The following SOCS7 variants were observed in gnomAD, a reference collection of about 807,000 sequenced individuals.
The protein encoded by SOCS7 is suppressor of cytokine signaling 7.
Under a neutral mutation model 58.9 loss-of-function variants are expected in SOCS7, and 18 were observed. That is an observed-to-expected ratio of 0.31 (90% CI 0.21 to 0.45). The LOEUF (loss-of-function observed/expected upper bound fraction) is 0.45, where lower values mean the gene tolerates loss of function less well. Ranked by LOEUF, SOCS7 falls within the 20% of genes least tolerant of loss-of-function variation. SOCS7 has a pLI of 1.00. For missense variants in SOCS7, 667 were observed against 837.3 expected, an observed-to-expected ratio of 0.80 and a Z score of 2.51; for synonymous variants, 388 against 364.3, an observed-to-expected ratio of 1.06 and a Z score of -0.74.
rs1486595247 is a variant in SOCS7, at chr17:38,405,004, C to T, written c.*5522C>T. ...GCCAATTTTTCACCAGAAAGGGAGC[C>T]ACCCCTTGCAACCACTTCTGTCTCC... On this transcript the variant is annotated 3_prime_UTR_variant, in exon 10 of 10. Coordinates refer to ENST00000612932, the MANE Select transcript of SOCS7 (RefSeq NM_014598.4). 1 of 152,044 alleles carries T rather than the reference C, an allele frequency of 6.6e-6. No individual in the cohort carries two copies. The highest frequency in any genetic ancestry group is 1.5e-5 in the Non-Finnish European group (1 of 68,026). 9.4% of individuals were successfully genotyped at this position (152,044 alleles called of 1,614,324 possible).
chr17:38,352,126 T>G lies in SOCS7; in HGVS notation c.74T>G (p.Leu25Arg). 2 of 913,892 alleles carry G rather than the reference T, an allele frequency of 2.2e-6. No homozygotes were observed. The highest frequency in any genetic ancestry group is 2.8e-6 in the Non-Finnish European group (2 of 720,994). The allele number at this position is 913,892 out of a possible 1,614,324, so 56.6% of individuals were successfully genotyped here. ...AASYRVLSRL[L>R]GYGEAAPEPG... ...TCGTACCGCGTCCTGAGCCGCCTCC[T>G]TGGCTATGGAGAGGCGGCCCCCGAG... is the stretch of plus-strand genomic sequence containing the variant. The change falls in exon 1 of 10, where the codon CTT becomes CGT. Residue 25 changes from leucine (L) to arginine (R), a missense_variant. By Grantham distance (102) the Leu-to-Arg change is moderately radical. Around this residue, in one of 9 missense-constraint regions of SOCS7, gnomAD observed 65 missense variants for 51.0 expected, o/e 1.27. Coordinates refer to ENST00000612932, the MANE Select transcript of SOCS7 (RefSeq NM_014598.4). This position sits in a 1 kb window ranked among gnomAD's most constrained non-coding sequence, Gnocchi z 5.5.
intron 7 of SOCS7, among the ~76,000 whole-genome samples, chr17:38,387,961 G>A (rs548137242): frequency 2.6e-5 from 4 of 151,516 alleles, no homozygotes; most frequent in South Asian, 4.2e-4. Context: ...TAGTAGAGAC[G>A]GGATTTCGCC....
intron 1 of SOCS7, among the ~76,000 whole-genome samples, chr17:38,356,719 A>G (rs1476341687): frequency 2.6e-5 from 4 of 152,186 alleles, no homozygotes; most frequent in Admixed American, 6.5e-5. Context: ...GGGCCCAGCA[A>G]CTAATCAGGT....
At chr17:38,391,145 A>G (rs2038168615) in intron 7 of SOCS7, among the ~76,000 whole-genome samples, 1 of 152,144 alleles carries the variant, frequency 6.6e-6, no homozygotes, top group Non-Finnish European at 1.5e-5. Flanking sequence ...TGCTTTTTGC[A>G]CATTCATGTT....
intron 7 of SOCS7, among the ~76,000 whole-genome samples, chr17:38,389,716 A>G (rs1002857241): frequency 7.7e-6 from 1 of 129,552 alleles, no homozygotes; most frequent in Non-Finnish European, 1.7e-5. Flanking sequence ...TGCTTGTTAT[A>G]TTTAGAAAAG....
chr17:38,396,822 C>T (rs2144407391), intron 9 of SOCS7, among the ~76,000 whole-genome samples: 1 of 152,292 alleles, frequency 6.6e-6, no homozygotes, highest in South Asian at 2.1e-4. Context: ...CTGCTTTCTT[C>T]TGGTGTGGAT....
At chr17:38,391,176 A>G (rs900058974) in intron 7 of SOCS7, among the ~76,000 whole-genome samples, 11 of 152,084 alleles carry the variant, frequency 7.2e-5, no homozygotes, top group Non-Finnish European at 1.3e-4. Context: ...AACTTGCATA[A>G]CTCATTTATT....
Position 38,404,239 on chromosome 17 carries a change from G to C in SOCS7, c.*4757G>C, listed in dbSNP as rs2038360569. 6.6e-6 allele frequency: 1 copy of C among 152,204 alleles called. No homozygotes were observed. The highest frequency in any genetic ancestry group is 1.5e-5 in the Non-Finnish European group (1 of 68,034). 9.4% of individuals were successfully genotyped at this position (152,204 alleles called of 1,614,324 possible). ...AGTTAGGAAAGTAGCGTTATGAGTT[G>C]TACTGAAAATGTTGATTCTCTAATC... is the stretch of plus-strand genomic sequence containing the variant. On this transcript the variant is annotated 3_prime_UTR_variant, in exon 10 of 10. Transcript: ENST00000612932.
In SOCS7 at chr17:38,387,182, G is replaced by A. The variant is rs1431972210; in HGVS notation, c.1682-8127G>A. ...AATTCAGCCAGGTGCAGTGACTCAC[G>A]CCTGTAATCCCAGCATTTTGGGAGG... is the stretch of plus-strand genomic sequence containing the variant. On this transcript the variant is annotated intron_variant, in intron 7 of 9. Transcript: ENST00000612932. 3.4e-4 allele frequency among the ~76,000 whole-genome samples: 43 copies of A among 125,886 alleles called. 1 individual carries two copies. The highest frequency in any genetic ancestry group is 9.8e-4 in the African/African-American group (30 of 30,532). The allele number at this position is 125,886 out of a possible 152,430, so 82.6% of individuals were successfully genotyped here.
At chr17:38,387,111 A>ATATATATGTATGTG (rs2038081377) in intron 7 of SOCS7, among the ~76,000 whole-genome samples, 3 of 103,572 alleles carry the variant, frequency 2.9e-5, no homozygotes, top group African/African-American at 1.7e-4. Context: ...AAATATATAT[A>ATATATATGTATGTG]TATATATATA....
intron 9 of SOCS7, among the ~76,000 whole-genome samples, chr17:38,398,144 G>A (rs2038268267): frequency 6.6e-6 from 1 of 152,088 alleles, no homozygotes; most frequent in African/African-American, 2.4e-5. Flanking sequence ...CAGTATTGAT[G>A]CCTGTGACAA....
At chr17:38,387,388 A>C (rs952596028) in intron 7 of SOCS7, among the ~76,000 whole-genome samples, 51 of 145,712 alleles carry the variant, frequency 3.5e-4, no homozygotes, top group Non-Finnish European at 6.9e-4. Flanking sequence ...TGGAGATTAC[A>C]GTGAGCCGAG....
intron 9 of SOCS7, 139 bp downstream of exon 9, chr17:38,396,137 C>A (rs970924105): frequency 1.5e-6 from 1 of 685,524 alleles, no homozygotes; most frequent in Non-Finnish European, 2.3e-6. Flanking sequence ...ATGACAAGAT[C>A]TGACCGTGGA....
chr17:38,369,054 G>A (rs1283507111), intron 6 of SOCS7, among the ~76,000 whole-genome samples: 1 of 152,170 alleles, frequency 6.6e-6, no homozygotes, highest in Non-Finnish European at 1.5e-5. Flanking sequence ...TATCTAACTT[G>A]GGCCAGAAAC....
chr17:38,381,946 C>CAAA (rs55949628), intron 7 of SOCS7, among the ~76,000 whole-genome samples: 484 of 17,634 alleles, frequency 0.027, 62 homozygotes, highest in African/African-American at 0.086. Context: ...GACTCTGTCT[C>CAAA]AAAAAAAAAA....
chr17:38,374,890 C>G (rs2037912063), intron 6 of SOCS7, among the ~76,000 whole-genome samples: 1 of 152,232 alleles, frequency 6.6e-6, no homozygotes, highest in African/African-American at 2.4e-5. Context: ...TTGGACCCTT[C>G]TATGATATGG....
In SOCS7 at chr17:38,387,097, AAAAAAAT is replaced by A. The variant is rs1254973701; in HGVS notation, c.1682-8210_1682-8204del. Among the ~76,000 whole-genome samples, 51 of 96,824 alleles carry A rather than the reference AAAAAAAT, an allele frequency of 5.3e-4. 1 individual carries two copies. Among genetic ancestry groups the A allele is most frequent in the East Asian group, 3.8e-3 (14 of 3,678 alleles). 63.5% of individuals were successfully genotyped at this position (96,824 alleles called of 152,430 possible). A position where few individuals can be genotyped will look rare whatever the true frequency, so the allele number is the denominator to read the frequency against. ...ACTCTTATCTTAAAAAAAAAAAAAA[AAAAAAAT>A]ATATATATATATATATATATATATG... On this transcript the variant is annotated intron_variant, in intron 7 of 9. Coordinates refer to ENST00000612932, the MANE Select transcript of SOCS7 (RefSeq NM_014598.4).
intron 7 of SOCS7, among the ~76,000 whole-genome samples, chr17:38,389,298 A>G (rs1319852499): frequency 6.6e-6 from 1 of 152,200 alleles, no homozygotes; most frequent in Non-Finnish European, 1.5e-5. Flanking sequence ...TATGGTGCCT[A>G]TAAGCCCAGT....
chr17:38,353,228 C>T (rs1326068091), intron 1 of SOCS7, among the ~76,000 whole-genome samples, 196 bp downstream of exon 1: 2 of 152,190 alleles, frequency 1.3e-5, no homozygotes, highest in African/African-American at 2.4e-5. Flanking sequence ...AAAGAGTGCA[C>T]ACTCCGTGAC....
Sources: gnomAD v4.1 joint callset for allele counts (sites outside exome capture counted in the v4.1 genomes callset) on GRCh38, gnomAD v4.1.1 for gene constraint, gnomAD v4.1.1 regional missense constraint, Gnocchi (gnomAD v3.1) non-coding constraint, MANE v1.5 for transcripts, NCBI Gene and HGNC (gene_info 2026-07-23, HGNC 2026-07-21) for gene names.